Variants in GAS2L1 observed in about 807,000 individuals in gnomAD.
GAS2L1 encodes growth arrest specific 2 like 1, also known as GAS2-like protein 1.
Under a neutral mutation model 44.0 loss-of-function variants are expected in GAS2L1, and 26 were observed. The observed-to-expected ratio is 0.59, with a 90% CI of 0.43 to 0.82. The LOEUF is 0.82. GAS2L1 is among the 40% of genes least tolerant of loss of function. The pLI, the probability that GAS2L1 is intolerant of heterozygous loss-of-function variation, is 0.00. For synonymous variants in GAS2L1, 426 were observed against 415.9 expected (o/e 1.02, Z -0.30); for missense variants, 1,006 against 983.0 (o/e 1.02, Z -0.31).
intron 1 of GAS2L1, 147 bp from the exon 3 acceptor site, chr22:29,310,292 G>A (rs181376667): frequency 1.5e-5 from 8 of 539,080 alleles, no homozygotes; most frequent in African/African-American, 4.0e-5. Context: ...GAAAGGTCAC[G>A]TGTGGAAGCT....
At chr22:29,309,437 G>A (rs1448034304) in intron 1 of GAS2L1, among the ~76,000 whole-genome samples, 3 of 152,258 alleles carry the variant, frequency 2.0e-5, no homozygotes, top group Non-Finnish European at 1.5e-5. Flanking sequence ...TTATCAGAAG[G>A]TCAGGACTAC....
chr22:29,312,172 G>A (rs537544137), exon 5 of GAS2L1: 1 of 1,613,096 alleles, frequency 6.2e-7, no homozygotes, highest in South Asian at 1.1e-5. Flanking sequence ...AGCGTCCTGG[G>A]TGGCAAATGT....
upstream of GAS2L1, chr22:29,306,758 G>C (rs2301585): frequency 0.35 from 53,682 of 152,164 alleles, 10,237 homozygotes; most frequent in Admixed American, 0.48. Flanking sequence ...TCCTCCCCAG[G>C]AGACCAAAGA....
chr22:29,311,639 A>G, exon 5 of GAS2L1: 1 of 1,535,446 alleles, frequency 6.5e-7, no homozygotes, highest in Non-Finnish European at 8.7e-7. Context: ...CCTCTCCGAG[A>G]CGGCCTCCTG....
exon 5 of GAS2L1, chr22:29,311,672 C>T: frequency 2.0e-6 from 3 of 1,523,014 alleles, no homozygotes; most frequent in Non-Finnish European, 2.6e-6. Context: ...AGTCCCGAGA[C>T]CGGCTGGATC....
exon 1 of GAS2L1, chr22:29,307,997 G>A (rs2061365048): frequency 4.5e-6 from 4 of 881,610 alleles, no homozygotes; most frequent in East Asian, 3.0e-5. Flanking sequence ...TGGCCTGAGT[G>A]ACAGACTGGT....
At chr22:29,310,938 G>A (rs867817981) in exon 4 of GAS2L1, 3 of 1,613,748 alleles carry the variant, frequency 1.9e-6, no homozygotes, top group Middle Eastern at 1.7e-4. Context: ...CGGGGCTCCC[G>A]GCCTGAGATG....
rs772332642 is a variant in GAS2L1 at position 29,312,381 on chromosome 22, C to G, written c.1930C>G (p.Pro644Ala). ...GATGGACACACAGCCAGACCGTAAACCCTCACGTATCCCCACGCCTCGGGG... is the reference window on the plus strand; with the variant it reads ...GATGGACACACAGCCAGACCGTAAAGCCTCACGTATCCCCACGCCTCGGGG... The change falls in exon 5 of 5, where the codon CCC becomes GCC. Residue 644 changes from proline (P) to alanine (A), a missense_variant. Pro to Ala is a conservative substitution (Grantham distance 27, BLOSUM62 -1). Coordinates refer to ENST00000618518, the Ensembl canonical transcript of GAS2L1. 2.5e-6 allele frequency: 4 copies of G among 1,598,146 alleles called. No homozygotes were observed. The African/African-American group carries it at 5.4e-5, about 21-fold the overall frequency.
chr22:29,311,526 G>A (rs889284939), exon 5 of GAS2L1: 7 of 1,539,456 alleles, frequency 4.5e-6, no homozygotes, highest in Admixed American at 4.0e-5. Context: ...TGACTCCTCA[G>A]CCTCCTCCGC....
At chr22:29,312,487 C>T in exon 5 of GAS2L1, 6 of 1,509,020 alleles carry the variant, frequency 4.0e-6, no homozygotes, top group Middle Eastern at 1.8e-4. Context: ...GAGCCAGATT[C>T]CTGGATGTGA....
exon 1 of GAS2L1, chr22:29,308,228 C>T (rs1305771702): frequency 3.1e-6 from 5 of 1,608,694 alleles, no homozygotes; most frequent in Middle Eastern, 1.7e-4. Context: ...ATGCCTTGTA[C>T]GGCCTGGGTC....
chr22:29,311,682 C>G (rs1479572995), exon 5 of GAS2L1: 1 of 1,518,648 alleles, frequency 6.6e-7, no homozygotes, highest in African/African-American at 1.4e-5. Flanking sequence ...CCGGCTGGAT[C>G]GCGGCCGGCC....
chr22:29,310,544 C>T (rs375162998), exon 2 of GAS2L1: 15 of 1,599,174 alleles, frequency 9.4e-6, no homozygotes, highest in Non-Finnish European at 1.3e-5. Flanking sequence ...CATCTTTGTG[C>T]GGGTAAGGGC....
chr22:29,311,578 C>T (rs1158412486), exon 5 of GAS2L1: 5 of 1,541,856 alleles, frequency 3.2e-6, no homozygotes, highest in East Asian at 2.4e-5. Flanking sequence ...GACACAGGCA[C>T]TGGCCCCCGG....
rs200449509 is a variant in GAS2L1, at chr22:29,310,822, C to T, written c.839-5C>T. On this transcript the variant is annotated splice_region_variant and splice_polypyrimidine_tract_variant and intron_variant, in intron 3 of 4. Coordinates refer to ENST00000618518, the Ensembl canonical transcript of GAS2L1. ...TCACATGCTGCCTGTCCTCTCTCCC[C>T]GCAGCTCATCGCCCACCCCAGCCGA... 51 of 1,608,218 alleles carry T rather than the reference C, an allele frequency of 3.2e-5. No individual in the cohort carries two copies. In the African/African-American group the frequency reaches 4.5e-4, roughly 14 times the overall value.
chr22:29,311,047 G>A (rs925526154), intron 4 of GAS2L1, 49 bp downstream of exon 5: 7 of 1,540,602 alleles, frequency 4.5e-6, no homozygotes, highest in African/African-American at 1.4e-5. Context: ...GTGGGGGGGC[G>A]TCAGCCCTGG....
exon 1 of GAS2L1, chr22:29,308,578 T>C (rs767613647): frequency 6.3e-7 from 1 of 1,599,728 alleles, no homozygotes; most frequent in South Asian, 1.1e-5. Flanking sequence ...CCACGCCTCG[T>C]GCAGTTTGAG....
At chr22:29,312,326 T>A in exon 5 of GAS2L1, 1 of 1,606,288 alleles carries the variant, frequency 6.2e-7, no homozygotes. Flanking sequence ...TGGCTTGCAC[T>A]GAACCCTCGA....
chr22:29,311,767 G>A (rs1006551806), exon 5 of GAS2L1: 1 of 1,542,784 alleles, frequency 6.5e-7, no homozygotes, highest in South Asian at 1.2e-5. Flanking sequence ...AGCCAGAGCC[G>A]CGAGGAGCAG....
Sources: gnomAD v4.1 joint callset for allele counts (sites outside exome capture counted in the v4.1 genomes callset) on GRCh38, gnomAD v4.1.1 for gene constraint, MANE v1.5 for transcripts, NCBI Gene and HGNC (gene_info 2026-07-23, HGNC 2026-07-21) for gene names.